PPP3CA: variants seen among roughly 807,000 people sequenced by gnomAD.
PPP3CA encodes the protein CAM-PRP catalytic subunit.
A neutral mutation model predicts 66.5 loss-of-function variants in PPP3CA; 14 were observed. The observed-to-expected ratio is 0.21, with a 90% confidence interval of 0.14 to 0.33. The LOEUF is 0.33. PPP3CA is among the 10% of genes least tolerant of loss of function. PPP3CA has a pLI of 1.00. For synonymous variants in PPP3CA, 232 were observed against 226.2 expected (o/e 1.03, Z -0.23); for missense variants, 317 against 639.5 (o/e 0.50, Z 5.44).
chr4:101,225,363 A>C (rs1231120800), intron 1 of PPP3CA, among the ~76,000 whole-genome samples: 1 of 151,842 alleles, frequency 6.6e-6, no homozygotes, highest in Non-Finnish European at 1.5e-5. Flanking sequence ...TAAATGAATA[A>C]GCTAATAATC....
chr4:101,245,832 C>T (rs1211548802), intron 1 of PPP3CA, among the ~76,000 whole-genome samples: 1 of 151,904 alleles, frequency 6.6e-6, no homozygotes, highest in Non-Finnish European at 1.5e-5. Flanking sequence ...GAACAAGGGA[C>T]CCTTCCTCCC....
intron 1 of PPP3CA, among the ~76,000 whole-genome samples, chr4:101,198,136 CAAG>C (rs3840147): frequency 1.9e-3 from 288 of 152,064 alleles, no homozygotes; most frequent in East Asian, 0.014. Flanking sequence ...GAAGATTAAA[CAAG>C]GAGGGGAGAA....
intron 1 of PPP3CA, among the ~76,000 whole-genome samples, chr4:101,216,770 T>C (rs1725470849): frequency 6.6e-6 from 1 of 152,028 alleles, no homozygotes. Flanking sequence ...AGGCTGATCT[T>C]AAACTCCTGG....
chr4:101,123,934 C>T (rs1400146018), intron 2 of PPP3CA, among the ~76,000 whole-genome samples: 1 of 152,182 alleles, frequency 6.6e-6, no homozygotes, highest in Non-Finnish European at 1.5e-5. Context: ...GAATAGTACT[C>T]TCACAGAAGA....
At chr4:101,325,317 C>G (rs1030349578) in intron 1 of PPP3CA, among the ~76,000 whole-genome samples, 2 of 152,232 alleles carry the variant, frequency 1.3e-5, no homozygotes, top group Middle Eastern at 3.2e-3. Flanking sequence ...TTCTGTATTT[C>G]TACCATGCTT....
At chr4:101,071,303 C>A (rs1486473718) in intron 8 of PPP3CA, among the ~76,000 whole-genome samples, 2 of 152,160 alleles carry the variant, frequency 1.3e-5, no homozygotes, top group Admixed American at 1.3e-4. Flanking sequence ...ATCCTTGGCA[C>A]TGAGTTAGTT....
In PPP3CA at chr4:101,083,267, C is replaced by A; in HGVS notation, c.783-4G>T. Reference sequence around the variant, plus strand: ...GAATTCACATACAGCCGGGTAACTGCCAGAGACAAAAAGAAAAGGGAAGCA... The same window carrying A: ...GAATTCACATACAGCCGGGTAACTGACAGAGACAAAAAGAAAAGGGAAGCA... On this transcript the variant is annotated splice_polypyrimidine_tract_variant and splice_region_variant and intron_variant, in intron 6 of 13. Coordinates refer to ENST00000394854, the MANE Select transcript of PPP3CA (RefSeq NM_000944.5). 1 of 1,606,224 alleles carries A rather than the reference C, an allele frequency of 6.2e-7. No homozygotes were observed. The highest frequency in any genetic ancestry group is 8.5e-7 in the Non-Finnish European group (1 of 1,175,428).
chr4:101,080,508 C>T, intron 8 of PPP3CA, 24 bp downstream of exon 8: 1 of 1,254,760 alleles, frequency 8.0e-7, no homozygotes. Flanking sequence ...TGTAAGACTG[C>T]AAGAGGTATT....
chr4:101,269,513 C>CTT (rs1438643965), intron 1 of PPP3CA, among the ~76,000 whole-genome samples: 3 of 146,388 alleles, frequency 2.0e-5, no homozygotes, highest in Non-Finnish European at 4.5e-5. Flanking sequence ...GTCTTCTTAT[C>CTT]ATGCACAGAA....
chr4:101,170,897 C>T (rs1173606684), intron 2 of PPP3CA, among the ~76,000 whole-genome samples: 1 of 152,098 alleles, frequency 6.6e-6, no homozygotes, highest in Non-Finnish European at 1.5e-5. Flanking sequence ...TGACACAAAT[C>T]CCTGCCTTCA....
At chr4:101,076,825 AT>A (rs1269572739) in intron 8 of PPP3CA, among the ~76,000 whole-genome samples, 3 of 152,380 alleles carry the variant, frequency 2.0e-5, no homozygotes, top group Non-Finnish European at 1.5e-5. Flanking sequence ...AACATAAAAT[AT>A]TCAATAATGA....
chr4:101,056,766 A>G (rs1188528777), intron 10 of PPP3CA, among the ~76,000 whole-genome samples: 2 of 151,828 alleles, frequency 1.3e-5, no homozygotes, highest in African/African-American at 4.8e-5. Context: ...GAGACAGGCT[A>G]CAGGCTGCAG....
At chr4:101,198,492 G>A (rs754233252) in intron 1 of PPP3CA, among the ~76,000 whole-genome samples, 3 of 151,558 alleles carry the variant, frequency 2.0e-5, no homozygotes, top group African/African-American at 7.3e-5. Flanking sequence ...CAACAGTGAA[G>A]GTTTAAGTGG....
intron 2 of PPP3CA, among the ~76,000 whole-genome samples, chr4:101,110,262 A>AT (rs1721626583): frequency 6.6e-6 from 1 of 152,216 alleles, no homozygotes; most frequent in South Asian, 2.1e-4. Flanking sequence ...TCCTGCAATT[A>AT]CAAGCAAGTT....
chr4:101,246,302 C>T (rs942623635), intron 1 of PPP3CA, among the ~76,000 whole-genome samples: 5 of 152,132 alleles, frequency 3.3e-5, no homozygotes, highest in African/African-American at 1.2e-4. Flanking sequence ...CACTAGAATA[C>T]AGCACTGGTA....
In PPP3CA at chr4:101,209,668, A is replaced by G. The variant is rs376867912; in HGVS notation, c.59-13552T>C. Among the ~76,000 whole-genome samples the G allele has an allele frequency of 4.6e-5, 7 of 152,320 alleles. No homozygotes were observed. In the East Asian group the frequency reaches 9.6e-4, roughly 21 times the overall value. ...AGAAGTGTATATGAATAGACATAGAATGATGTGGATCACTGTAAAGATAGC... is the reference window on the plus strand; with the variant it reads ...AGAAGTGTATATGAATAGACATAGAGTGATGTGGATCACTGTAAAGATAGC... On this transcript the variant is annotated intron_variant, in intron 1 of 13. Transcript: ENST00000394854.
chr4:101,036,759 G>A (rs1179549302), intron 11 of PPP3CA, among the ~76,000 whole-genome samples: 3 of 152,178 alleles, frequency 2.0e-5, no homozygotes, highest in African/African-American at 7.2e-5. Flanking sequence ...CTCCAGGGCA[G>A]AATTTCTAAG....
chr4:101,208,212 T>C (rs1256584910), intron 1 of PPP3CA, among the ~76,000 whole-genome samples: 1 of 152,052 alleles, frequency 6.6e-6, no homozygotes, highest in African/African-American at 2.4e-5. Context: ...AGATATAGGA[T>C]ATGTTAAGTG....
At chr4:101,140,719 G>T (rs1402181365) in intron 2 of PPP3CA, among the ~76,000 whole-genome samples, 1 of 151,852 alleles carries the variant, frequency 6.6e-6, no homozygotes, top group Non-Finnish European at 1.5e-5. Context: ...TGGACAAAGA[G>T]AAATGATATT....
Sources: allele counts gnomAD v4.1 joint callset (sites outside exome capture counted in the v4.1 genomes callset), GRCh38; gene constraint gnomAD v4.1.1; transcripts MANE v1.5; gene names NCBI Gene and HGNC (gene_info 2026-07-23, HGNC 2026-07-21).